SLC35F1: variants seen among roughly 807,000 people sequenced by gnomAD.
SLC35F1 encodes the protein chromosome 6 open reading frame 169.
In SLC35F1, 14 loss-of-function variants were observed where a neutral mutation model predicts 48.7. The ratio of observed to expected loss-of-function variants is 0.29; its 90% CI spans 0.19 to 0.45. The LOEUF (loss-of-function observed/expected upper bound fraction) is 0.45. Among genes scored for constraint, SLC35F1 ranks in the 20% least tolerant of loss-of-function variants. The pLI is 1.00. For missense variants in SLC35F1, 404 were observed against 500.0 expected (o/e 0.81, Z 1.83); for synonymous variants, 190 against 202.2 (o/e 0.94, Z 0.51).
intron 2 of SLC35F1, among the ~76,000 whole-genome samples, chr6:118,159,088 G>A (rs954890875): frequency 3.3e-5 from 5 of 151,860 alleles, no homozygotes; most frequent in African/African-American, 1.2e-4. Context: ...GGGCGTGGTG[G>A]CAGGCGCCTG....
intron 1 of SLC35F1, among the ~76,000 whole-genome samples, chr6:117,966,675 C>G (rs1174550833): frequency 6.6e-6 from 1 of 152,196 alleles, no homozygotes; most frequent in African/African-American, 2.4e-5. Flanking sequence ...CTTCTGAGGC[C>G]TCTCTCCTTG....
chr6:118,252,771 G>C (rs1348482782), intron 3 of SLC35F1, among the ~76,000 whole-genome samples: 3 of 152,204 alleles, frequency 2.0e-5, no homozygotes, highest in African/African-American at 7.2e-5. Context: ...AGGCTGAGGA[G>C]AGGCTAGTGT....
At chr6:118,031,648 C>T (rs184321912) in intron 1 of SLC35F1, among the ~76,000 whole-genome samples, 10 of 152,296 alleles carry the variant, frequency 6.6e-5, no homozygotes, top group African/African-American at 1.2e-4. Context: ...TTTATTGAAG[C>T]GACAGTGTTA....
At chr6:117,923,660 T>TACATATATACATATAC (rs1562238667) in intron 1 of SLC35F1, among the ~76,000 whole-genome samples, 2 of 33,888 alleles carry the variant, frequency 5.9e-5, no homozygotes, top group Admixed American at 3.2e-4. Flanking sequence ...TGTACATATG[T>TACATATATACATATAC]ATATATACAT....
intron 1 of SLC35F1, among the ~76,000 whole-genome samples, chr6:117,938,325 AT>A (rs1776185775): frequency 6.6e-6 from 1 of 152,238 alleles, no homozygotes; most frequent in South Asian, 2.1e-4. Context: ...AGTCACTCTT[AT>A]GATTTTGGTT....
At chr6:117,941,691 C>T (rs1776235214) in intron 1 of SLC35F1, among the ~76,000 whole-genome samples, 1 of 152,270 alleles carries the variant, frequency 6.6e-6, no homozygotes, top group African/African-American at 2.4e-5. Flanking sequence ...AGTTAAGAAA[C>T]AAATTCATTC....
chr6:118,074,941 G>T (rs1436924475), intron 1 of SLC35F1, among the ~76,000 whole-genome samples: 1 of 152,208 alleles, frequency 6.6e-6, no homozygotes, highest in Non-Finnish European at 1.5e-5. Context: ...ACTGCTCCCA[G>T]TCGAGACACA....
intron 7 of SLC35F1, among the ~76,000 whole-genome samples, chr6:118,294,637 A>G (rs1776162006): frequency 6.6e-6 from 1 of 152,208 alleles, no homozygotes; most frequent in South Asian, 2.1e-4. Context: ...ACAAAAATGA[A>G]CATCATAAGT....
chr6:118,094,900 G>A (rs2114351961), intron 1 of SLC35F1, among the ~76,000 whole-genome samples: 1 of 152,078 alleles, frequency 6.6e-6, no homozygotes, highest in South Asian at 2.1e-4. Flanking sequence ...CCCAGGAGGT[G>A]GAGGTTGCAG....
intron 7 of SLC35F1, among the ~76,000 whole-genome samples, chr6:118,308,699 C>T (rs1370925771): frequency 1.3e-5 from 2 of 152,186 alleles, no homozygotes; most frequent in South Asian, 2.1e-4. Context: ...ATTATGGTCA[C>T]CTGATGGCCA....
chr6:118,190,870 C>T (rs1351489063), intron 2 of SLC35F1, among the ~76,000 whole-genome samples: 1 of 152,124 alleles, frequency 6.6e-6, no homozygotes, highest in Non-Finnish European at 1.5e-5. Flanking sequence ...TCTAAAATAT[C>T]CAATGTTTTC....
chr6:118,098,904 T>A (rs1422039633), intron 1 of SLC35F1, among the ~76,000 whole-genome samples: 1 of 152,242 alleles, frequency 6.6e-6, no homozygotes, highest in Non-Finnish European at 1.5e-5. Flanking sequence ...TTCAGGTGTC[T>A]CTTCCTGGTT....
intron 1 of SLC35F1, among the ~76,000 whole-genome samples, chr6:117,976,945 C>A (rs1776713489): frequency 6.6e-6 from 1 of 152,162 alleles, no homozygotes. Context: ...AATATTATAT[C>A]AATCAAGGAT....
intron 1 of SLC35F1, among the ~76,000 whole-genome samples, chr6:118,048,872 T>G (rs536687469): frequency 1.5e-3 from 221 of 152,262 alleles, no homozygotes; most frequent in African/African-American, 5.2e-3. Context: ...ACTTTAAAGT[T>G]CATATGGAAC....
intron 1 of SLC35F1, among the ~76,000 whole-genome samples, chr6:118,105,838 T>A (rs773486000): frequency 6.6e-6 from 1 of 152,202 alleles, no homozygotes; most frequent in Non-Finnish European, 1.5e-5. Flanking sequence ...AAGGAGATAG[T>A]ATGATGACCT....
chr6:118,009,282 G>A (rs1777215105), intron 1 of SLC35F1, among the ~76,000 whole-genome samples: 1 of 152,140 alleles, frequency 6.6e-6, no homozygotes, highest in African/African-American at 2.4e-5. Flanking sequence ...AAAGATGGTG[G>A]TACTCTTTAA....
chr6:117,982,966 G>A (rs1776801284), intron 1 of SLC35F1, among the ~76,000 whole-genome samples: 2 of 151,700 alleles, frequency 1.3e-5, no homozygotes, highest in South Asian at 2.1e-4. Flanking sequence ...GCATCTTCAG[G>A]TTCTCAGCTA....
At chr6:117,980,950 C>A (rs1181651751) in intron 1 of SLC35F1, among the ~76,000 whole-genome samples, 3 of 151,940 alleles carry the variant, frequency 2.0e-5, no homozygotes, top group African/African-American at 7.3e-5. Context: ...ATAATCAGTT[C>A]TGAATTTTGG....
Position 118,275,577 on chromosome 6 carries a change from GA to G in SLC35F1, c.757del (p.Ile253LeufsTer13). 6.2e-7 allele frequency: 1 copy of G among 1,613,894 alleles called. No individual in the cohort carries two copies. Among genetic ancestry groups the G allele is most frequent in the Non-Finnish European group, 8.5e-7 (1 of 1,179,898 alleles). On this transcript the variant is annotated frameshift_variant, in exon 5 of 8. Coordinates refer to ENST00000360388, the MANE Select transcript of SLC35F1 (RefSeq NM_001029858.4). LOFTEE classifies it high-confidence loss of function. The stretch of plus-strand genomic sequence containing the variant: ...TGAGCCGAGTGGAATTCCTGGGAAT[GA>G]TTGGTCTCTTTGGAGCATTTTTCAG... ...TLSRVEFLGM[I>X]GLFGAFFSGI...
Sources: allele counts gnomAD v4.1 joint callset (sites outside exome capture counted in the v4.1 genomes callset), GRCh38; gene constraint gnomAD v4.1.1; transcripts MANE v1.5; gene names NCBI Gene and HGNC (gene_info 2026-07-23, HGNC 2026-07-21).